CNTNAP2: variants seen among roughly 807,000 people sequenced by gnomAD.
CNTNAP2 encodes contactin associated protein 2, also known as contactin-associated protein-like 2.
Under a neutral mutation model 155.2 loss-of-function variants are expected in CNTNAP2, and 98 were observed. The ratio of observed to expected loss-of-function variants is 0.63; its 90% CI spans 0.54 to 0.75. The LOEUF is 0.75. CNTNAP2 is among the 30% of genes least tolerant of loss of function. The pLI, the probability that CNTNAP2 is intolerant of heterozygous loss-of-function variation, is 0.00. For missense variants in CNTNAP2, 1,727 were observed against 1,688.1 expected, an observed-to-expected ratio of 1.02 and a Z score of -0.40; for synonymous variants, 651 against 631.2, an observed-to-expected ratio of 1.03 and a Z score of -0.47.
intron 13 of CNTNAP2, among the ~76,000 whole-genome samples, chr7:147,691,601 C>A (rs1796088060): frequency 6.6e-6 from 1 of 152,082 alleles, no homozygotes; most frequent in Non-Finnish European, 1.5e-5. Flanking sequence ...AGGATTTCCC[C>A]CACACATTTG....
intron 15 of CNTNAP2, among the ~76,000 whole-genome samples, chr7:148,099,421 TTGTGTG>T (rs35957905): frequency 0.035 from 4,994 of 140,998 alleles, 96 homozygotes; most frequent in Non-Finnish European, 0.054. Flanking sequence ...AGCATTGCAA[TTGTGTG>T]TGTGTGTGTG....
chr7:147,205,613 G>A (rs1163092187), intron 8 of CNTNAP2, among the ~76,000 whole-genome samples: 1 of 151,356 alleles, frequency 6.6e-6, no homozygotes, highest in Non-Finnish European at 1.5e-5. Flanking sequence ...ATTATGTTAA[G>A]TAAAATAAGG....
intron 9 of CNTNAP2, among the ~76,000 whole-genome samples, chr7:147,391,999 G>T (rs1258044341): frequency 2.0e-5 from 3 of 152,010 alleles, no homozygotes; most frequent in African/African-American, 7.2e-5. Flanking sequence ...ATAAACAGAA[G>T]ATGCCCGATG....
intron 1 of CNTNAP2, among the ~76,000 whole-genome samples, chr7:146,535,656 T>A (rs771886789): frequency 1.3e-5 from 2 of 151,588 alleles, no homozygotes; most frequent in Non-Finnish European, 2.9e-5. Flanking sequence ...ATATTCATGT[T>A]TGTTACAAGA....
rs566284826 is a variant in CNTNAP2, at chr7:148,381,325, CT to C, written c.3476-2322del. On this transcript the variant is annotated intron_variant, in intron 21 of 23. Transcript: ENST00000361727. ...TAGCCACACTAGCAGCATCCGAGCT[CT>C]TGTCCCACATCCAGGAGAAATGACA... The C allele has an allele frequency of 2.9e-3, 447 of 152,360 alleles. 6 individuals carry two copies. The highest frequency in any genetic ancestry group is 8.4e-4 in the Non-Finnish European group (57 of 68,072). The allele number at this position is 152,360 out of a possible 1,614,324, so 9.4% of individuals were successfully genotyped here. A position where few individuals can be genotyped will look rare whatever the true frequency, so the allele number is the denominator to read the frequency against.
intron 10 of CNTNAP2, among the ~76,000 whole-genome samples, chr7:147,448,835 G>A (rs758070930): frequency 1.1e-4 from 17 of 151,848 alleles, no homozygotes; most frequent in Admixed American, 2.0e-4. Flanking sequence ...TACATAGTTG[G>A]CAACCTTGGG....
intron 1 of CNTNAP2, among the ~76,000 whole-genome samples, chr7:146,676,545 C>G (rs1800401234): frequency 1.3e-5 from 2 of 151,772 alleles, no homozygotes; most frequent in Non-Finnish European, 2.9e-5. Context: ...GTTTGGGGTA[C>G]AGATCCCATC....
intron 15 of CNTNAP2, among the ~76,000 whole-genome samples, chr7:148,069,949 A>G (rs190643648): frequency 1.9e-4 from 29 of 152,296 alleles, no homozygotes; most frequent in Non-Finnish European, 2.9e-4. Flanking sequence ...AGCATTTTAC[A>G]TATGTGGATG....
At chr7:147,812,917 T>C (rs912932952) in intron 13 of CNTNAP2, among the ~76,000 whole-genome samples, 1 of 151,986 alleles carries the variant, frequency 6.6e-6, no homozygotes, top group Non-Finnish European at 1.5e-5. Context: ...TATTAAGAGA[T>C]CTGTGTCAAG....
At chr7:147,080,326 T>C (rs1248739712) in intron 4 of CNTNAP2, among the ~76,000 whole-genome samples, 1 of 152,212 alleles carries the variant, frequency 6.6e-6, no homozygotes, top group Non-Finnish European at 1.5e-5. Flanking sequence ...TTACATGGAT[T>C]CCTTTTTTGC....
At chr7:148,113,776 C>T (rs570538404) in intron 15 of CNTNAP2, among the ~76,000 whole-genome samples, 31 of 152,322 alleles carry the variant, frequency 2.0e-4, no homozygotes, top group Admixed American at 1.0e-3. Context: ...GATTGACTCA[C>T]TTCCAAGCTG....
intron 20 of CNTNAP2, among the ~76,000 whole-genome samples, chr7:148,256,347 C>T (rs976187027): frequency 1.3e-5 from 2 of 152,154 alleles, no homozygotes; most frequent in African/African-American, 4.8e-5. Context: ...AGCAGAACAT[C>T]TTCAAAGAAA....
chr7:147,642,850 A>G (rs944980803), intron 13 of CNTNAP2, among the ~76,000 whole-genome samples: 5 of 152,220 alleles, frequency 3.3e-5, no homozygotes, highest in African/African-American at 1.2e-4. Context: ...GACATTCTAT[A>G]TATATATCAA....
chr7:147,378,075 G>A (rs1796468937), intron 9 of CNTNAP2: 1 of 463,324 alleles, frequency 2.2e-6, no homozygotes, highest in Admixed American at 2.4e-5. Flanking sequence ...TACTTTTAAT[G>A]GCAAAAACCA....
At chr7:147,520,529 A>G (rs1467522925) in intron 11 of CNTNAP2, among the ~76,000 whole-genome samples, 2 of 152,190 alleles carry the variant, frequency 1.3e-5, no homozygotes, top group African/African-American at 4.8e-5. Context: ...ACATGCAAAG[A>G]TGGCTTCCTC....
At chr7:147,039,488 T>A (rs1441957255) in intron 3 of CNTNAP2, among the ~76,000 whole-genome samples, 2 of 152,196 alleles carry the variant, frequency 1.3e-5, no homozygotes, top group Non-Finnish European at 2.9e-5. Flanking sequence ...TTCCTGCATT[T>A]GTTTGCTAAG....
chr7:147,642,083 A>G (rs571766539), intron 13 of CNTNAP2, among the ~76,000 whole-genome samples: 1 of 152,076 alleles, frequency 6.6e-6, no homozygotes, highest in East Asian at 1.9e-4. Context: ...CTGTATGTAG[A>G]AGACCAAGGG....
chr7:147,443,097 C>A (rs967735960), intron 10 of CNTNAP2, among the ~76,000 whole-genome samples: 1 of 152,064 alleles, frequency 6.6e-6, no homozygotes, highest in Non-Finnish European at 1.5e-5. Flanking sequence ...TTAGGAGTTG[C>A]GGTCTTCATG....
At chr7:146,204,466 AT>A (rs1335199570) in intron 1 of CNTNAP2, among the ~76,000 whole-genome samples, 1 of 152,160 alleles carries the variant, frequency 6.6e-6, no homozygotes, top group African/African-American at 2.4e-5. Flanking sequence ...GTAAATATAC[AT>A]TATATCTCTT....
Sources: gnomAD v4.1 joint callset for allele counts (sites outside exome capture counted in the v4.1 genomes callset) on GRCh38, gnomAD v4.1.1 for gene constraint, MANE v1.5 for transcripts, NCBI Gene and HGNC (gene_info 2026-07-23, HGNC 2026-07-21) for gene names.